Variants in GREB1 observed in about 807,000 individuals in gnomAD.
The protein encoded by GREB1 is protein GREB1.
Under a neutral mutation model 200.7 loss-of-function variants are expected in GREB1, and 106 were observed. That is an observed-to-expected ratio of 0.53 (90% CI 0.45 to 0.62). GREB1 has a LOEUF of 0.62. Ranked by LOEUF, GREB1 falls within the 20% of genes least tolerant of loss-of-function variation. GREB1 has a pLI of 0.00. For synonymous variants in GREB1, 1,132 were observed against 1,092.4 expected (o/e 1.04, Z -0.72); for missense variants, 2,243 against 2,556.8 (o/e 0.88, Z 2.65).
Position 11,632,964 on chromosome 2 carries a change from G to C in GREB1, c.4892G>C (p.Gly1631Ala). ...ELERNRQEEL[G>A]IKPQDIWPFI... ...GAGCGGAACCGGCAGGAGGAGCTGG[G>C]AATCAAGCCGCAGGACATCTGGCCT... Residue 1631 changes from glycine (G) to alanine (A), a missense_variant, in exon 28 of 33, where the codon GGA becomes GCA. Physicochemically the swap from Gly to Ala is moderately conservative, Grantham distance 60. This residue lies in a region of GREB1 where 478 missense variants were observed against 616.3 expected (regional missense o/e 0.78). Transcript: ENST00000381486. The C allele has an allele frequency of 6.2e-7, 1 of 1,614,210 alleles. No individual in the cohort carries two copies. Among genetic ancestry groups the C allele is most frequent in the Non-Finnish European group, 8.5e-7 (1 of 1,180,038 alleles).
intron 26 of GREB1, among the ~76,000 whole-genome samples, 161 bp from the exon 27 acceptor site, chr2:11,631,748 T>C (rs1315881299): frequency 6.6e-6 from 1 of 152,164 alleles, no homozygotes; most frequent in Non-Finnish European, 1.5e-5. Flanking sequence ...AGGCCATTTT[T>C]CCTCCCTTTT....
chr2:11,583,090 C>G (rs1330822465), intron 7 of GREB1, among the ~76,000 whole-genome samples: 1 of 152,164 alleles, frequency 6.6e-6, no homozygotes, highest in African/African-American at 2.4e-5. Flanking sequence ...AATAGTTGAT[C>G]CACATTGGTA....
rs1263290494 is a variant in GREB1 at position 11,618,380 on chromosome 2, G to A, written c.3505G>A (p.Glu1169Lys). Residue 1169 changes from glutamate (E) to lysine (K), a missense_variant, in exon 22 of 33, where the codon GAG (glutamate) becomes AAG (lysine). By Grantham distance (56) the Glu-to-Lys change is moderately conservative (BLOSUM62 1). This residue lies in a region of GREB1 where 587 missense variants were observed against 553.1 expected (regional missense o/e 1.06). Transcript: ENST00000381486. ...GCCCCAGCCCCGTGGCCCCGCAGAGGAGGGCAGAGCCCCTGGTGAGAAACA... is the reference window on the plus strand; with the variant it reads ...GCCCCAGCCCCGTGGCCCCGCAGAGAAGGGCAGAGCCCCTGGTGAGAAACA... ...RSPQPRGPAE[E>K]GRAPGEKQRP... 3 of 1,611,890 alleles carry A rather than the reference G, an allele frequency of 1.9e-6. No individual in the cohort carries two copies. Among genetic ancestry groups the A allele is most frequent in the South Asian group, 2.2e-5 (2 of 90,960 alleles).
intron 11 of GREB1, 137 bp from the exon 12 acceptor site, chr2:11,595,114 G>C: frequency 1.4e-6 from 1 of 698,574 alleles, no homozygotes; most frequent in Non-Finnish European, 2.4e-6. Context: ...GCAGGCCTGG[G>C]AGGTAGATCC....
intron 17 of GREB1, among the ~76,000 whole-genome samples, chr2:11,604,544 A>G (rs1233974511): frequency 6.6e-6 from 1 of 152,168 alleles, no homozygotes; most frequent in Non-Finnish European, 1.5e-5. Flanking sequence ...CTTATGTCTC[A>G]CTGGGTGAAA....
In GREB1 at chr2:11,632,034, C is replaced by T. The variant is rs201715540; in HGVS notation, c.4737C>T (p.Tyr1579=). 8.9e-4 allele frequency: 1,434 copies of T among 1,613,908 alleles called. 8 individuals are homozygous for T. The Middle Eastern group carries it at 0.015, about 17-fold the overall frequency. ...TGCACGTGCTGGTTGTCAAGGAATA[C>T]GAGATGGCAATTTATAAGAAATATT... ...SHLHVLVVKE[Y]EMAIYKKYWP... The change falls in exon 27 of 33, where the codon TAC becomes TAT. Residue 1579 remains tyrosine (Y), a synonymous_variant. Transcript: ENST00000381486.
rs1279163307 is a variant in GREB1, at chr2:11,641,409, G to A, written c.*955G>A. 2 of 152,272 alleles carry A rather than the reference G, an allele frequency of 1.3e-5. No homozygotes were observed. The highest frequency in any genetic ancestry group is 4.8e-5 in the African/African-American group (2 of 41,456). The allele number at this position is 152,272 out of a possible 1,614,324, so 9.4% of individuals were successfully genotyped here. A position where few individuals can be genotyped will look rare whatever the true frequency, so the allele number is the denominator to read the frequency against. ...CTAGAGAGGAGGTGGGAACAGAAGA[G>A]AGAAGGAGGCAGGGAGATGTATTTC... On this transcript the variant is annotated 3_prime_UTR_variant, in exon 33 of 33. Transcript: ENST00000381486.
chr2:11,613,758 C>G (rs76309367), intron 19 of GREB1, among the ~76,000 whole-genome samples: 3,192 of 152,288 alleles, frequency 0.021, 119 homozygotes, highest in African/African-American at 0.072. Context: ...CTGGTACCTT[C>G]TTTGTACCAG....
intron 18 of GREB1, 61 bp downstream of exon 18, chr2:11,611,088 C>A: frequency 7.4e-7 from 1 of 1,360,054 alleles, no homozygotes; most frequent in Non-Finnish European, 1.0e-6. Flanking sequence ...GCTGAGGGGC[C>A]CACCAGAGGC....
chr2:11,543,564 C>A (rs956540418), intron 1 of GREB1, among the ~76,000 whole-genome samples: 1 of 152,148 alleles, frequency 6.6e-6, no homozygotes, highest in Non-Finnish European at 1.5e-5. Context: ...GAATCAAGCC[C>A]CTGGTGGTCT....
intron 10 of GREB1, among the ~76,000 whole-genome samples, chr2:11,590,189 A>G (rs908091107): frequency 3.9e-5 from 6 of 152,228 alleles, no homozygotes; most frequent in Admixed American, 2.0e-4. Context: ...TCTTTCTCAT[A>G]GTCCCCACCT....
At chr2:11,583,789 G>A (rs1381349568) in intron 7 of GREB1, among the ~76,000 whole-genome samples, 7 of 152,168 alleles carry the variant, frequency 4.6e-5, no homozygotes, top group South Asian at 4.2e-4. Flanking sequence ...AACTCAGGAG[G>A]CAGAGGTTGC....
chr2:11,522,446 G>A (rs1673734319), intron 1 of GREB1, among the ~76,000 whole-genome samples: 1 of 152,120 alleles, frequency 6.6e-6, no homozygotes, highest in Admixed American at 6.5e-5. Context: ...TTAGGAAGTT[G>A]AACTTGGCTG....
chr2:11,635,432 T>C, intron 30 of GREB1, 27 bp downstream of exon 30: 4 of 1,581,878 alleles, frequency 2.5e-6, no homozygotes, highest in Non-Finnish European at 3.4e-6. Flanking sequence ...TGGGCAGGCC[T>C]CTATGTCCAC....
chr2:11,589,383 T>C (rs981207883), intron 10 of GREB1, among the ~76,000 whole-genome samples: 5 of 152,076 alleles, frequency 3.3e-5, no homozygotes, highest in African/African-American at 1.2e-4. Flanking sequence ...TGTGATGATC[T>C]GAGGAATGAG....
At chr2:11,554,045 A>G (rs1676194511) in intron 1 of GREB1, among the ~76,000 whole-genome samples, 1 of 152,172 alleles carries the variant, frequency 6.6e-6, no homozygotes, top group African/African-American at 2.4e-5. Flanking sequence ...AGTTGAGAAT[A>G]ATGCAGGTGT....
chr2:11,575,803 G>C (rs1473193384), intron 4 of GREB1, among the ~76,000 whole-genome samples: 2 of 152,206 alleles, frequency 1.3e-5, no homozygotes, highest in Non-Finnish European at 2.9e-5. Context: ...GGAAATAAGA[G>C]CCTGTCGCAT....
rs755404605 is a variant in GREB1 at position 11,593,016 on chromosome 2, T to A, written c.1586T>A (p.Leu529His). The change falls in exon 11 of 33, where the codon CTC becomes CAC. Residue 529 changes from leucine to histidine, a missense_variant. Coordinates refer to ENST00000381486, the MANE Select transcript of GREB1 (RefSeq NM_014668.4). ...TGTGCTTACTCCCTGGCCGAGGGCC[T>A]CTCCGAGATGTTCCGGCTGTTGGTC... ...IECAYSLAEG[L>H]SEMFRLLVEG... The A allele has an allele frequency of 1.2e-6, 2 of 1,613,044 alleles. No individual in the cohort carries two copies. The highest frequency in any genetic ancestry group is 1.7e-6 in the Non-Finnish European group (2 of 1,179,670).
intron 17 of GREB1, among the ~76,000 whole-genome samples, chr2:11,606,811 T>G (rs1320963914): frequency 6.7e-6 from 1 of 148,320 alleles, no homozygotes. Flanking sequence ...TGAGACGGAG[T>G]CTCACTCTGT....
Sources: gnomAD v4.1 joint callset for allele counts (sites outside exome capture counted in the v4.1 genomes callset) on GRCh38, gnomAD v4.1.1 for gene constraint, gnomAD v4.1.1 regional missense constraint, MANE v1.5 for transcripts, NCBI Gene and HGNC (gene_info 2026-07-23, HGNC 2026-07-21) for gene names.